The following SLC38A10 variants were observed in gnomAD, a reference collection of about 807,000 sequenced individuals.
SLC38A10 encodes solute carrier family 38 member 10, also known as Sodium-coupled neutral amino acid transporter 10.
A neutral mutation model predicts 81.0 loss-of-function variants in SLC38A10; 53 were observed. The observed-to-expected ratio is 0.65, with a 90% CI of 0.53 to 0.82. SLC38A10 has a LOEUF of 0.82. Ranked by LOEUF, SLC38A10 falls within the 40% of genes least tolerant of loss-of-function variation. SLC38A10 has a pLI of 0.00. For synonymous variants in SLC38A10, 665 were observed against 655.3 expected, an observed-to-expected ratio of 1.01 and a Z score of -0.23; for missense variants, 1,471 against 1,545.0, an observed-to-expected ratio of 0.95 and a Z score of 0.80.
intron 8 of SLC38A10, among the ~76,000 whole-genome samples, chr17:81,275,006 A>G (rs2063148458): frequency 1.3e-5 from 2 of 152,196 alleles, no homozygotes; most frequent in African/African-American, 4.8e-5. Flanking sequence ...TCTTGGTTCA[A>G]GTGATCCTCC....
At chr17:81,274,599 C>T (rs1004099212) in intron 8 of SLC38A10, among the ~76,000 whole-genome samples, 1 of 152,214 alleles carries the variant, frequency 6.6e-6, no homozygotes, top group Non-Finnish European at 1.5e-5. Flanking sequence ...CAAGGGGAGG[C>T]AGGAGGGGAA....
chr17:81,289,808 A>ACT lies in SLC38A10; in HGVS notation c.100-2_100-1dup (p.Cys34SerfsTer17). The ACT allele has an allele frequency of 6.3e-7, 1 of 1,591,350 alleles. No homozygotes were observed. On this transcript the variant is annotated frameshift_variant and splice_region_variant. Coordinates refer to ENST00000374759, the MANE Select transcript of SLC38A10 (RefSeq NM_001037984.3). LOFTEE classifies it high-confidence loss of function. This position sits in a 1 kb window ranked among gnomAD's most constrained non-coding sequence, Gnocchi z 5.9. ...AGCAGCGCCCCCAGGACGATGCCGC[A>ACT]CTGCAGGGTGGAGACAGGAACACAT... is the stretch of plus-strand genomic sequence containing the variant.
chr17:81,260,521 T>G, intron 10 of SLC38A10, 127 bp from the exon 11 acceptor site: 1 of 1,279,582 alleles, frequency 7.8e-7, no homozygotes, highest in Non-Finnish European at 1.1e-6. Context: ...CATGACAAAG[T>G]CCCCCGAGGA....
chr17:81,276,092 G>C lies in SLC38A10; in HGVS notation c.789C>G (p.His263Gln). The C allele has an allele frequency of 1.2e-6, 2 of 1,613,940 alleles. No homozygotes were observed. The highest frequency in any genetic ancestry group is 1.7e-6 in the Non-Finnish European group (2 of 1,179,994). The change falls in exon 8 of 16, where the codon CAC becomes CAG. Residue 263 changes from histidine (H) to glutamine (Q), a missense_variant. His to Gln is a conservative substitution (Grantham distance 24). Coordinates refer to ENST00000374759, the MANE Select transcript of SLC38A10 (RefSeq NM_001037984.3). This position sits in a 1 kb window ranked among gnomAD's most constrained non-coding sequence, Gnocchi z 4.7. ...TEATAGNVLM[H>Q]FPSNLVTEML... Reference sequence around the variant, plus strand: ...TCTCCGTCACCAGGTTGGAGGGAAAGTGCATGAGCACGTTGCCGGCCGTGG... The same window carrying C: ...TCTCCGTCACCAGGTTGGAGGGAAACTGCATGAGCACGTTGCCGGCCGTGG...
chr17:81,260,970 T>G (rs2063018102), intron 10 of SLC38A10, among the ~76,000 whole-genome samples: 1 of 152,228 alleles, frequency 6.6e-6, no homozygotes, highest in Non-Finnish European at 1.5e-5. Context: ...CATGAAGGGC[T>G]TGCCCCAAAG....
In SLC38A10 at chr17:81,283,141, C is replaced by T. The variant is rs2063230479; in HGVS notation, c.357+268G>A. 6.6e-6 allele frequency among the ~76,000 whole-genome samples: 1 copy of T among 152,192 alleles called. No individual in the cohort carries two copies. The highest frequency in any genetic ancestry group is 2.4e-5 in the African/African-American group (1 of 41,448). ...GGCAGCCCGGGCTGGCAGAGACTTG[C>T]TCTGCACTGTGCCCGGGTCTGAGGC... On this transcript the variant is annotated intron_variant, in intron 4 of 15. Transcript: ENST00000374759. This position sits in a 1 kb window ranked among gnomAD's most constrained non-coding sequence, Gnocchi z 4.7.
At chr17:81,275,922 G>A in intron 8 of SLC38A10, 47 bp downstream of exon 8, 1 of 1,569,062 alleles carries the variant, frequency 6.4e-7, no homozygotes, top group Middle Eastern at 1.8e-4. Context: ...TGGGAAGCGA[G>A]CCTGACCTGT....
rs1376276213 is a variant in SLC38A10, at chr17:81,270,186, G to A, written c.1131+732C>T. ...CTTGAGCCTGGCTGGGAGTGACGCT[G>A]CAGGCACTTTGGGTAGAGCCACCAC... On this transcript the variant is annotated intron_variant, in intron 10 of 15. Coordinates refer to ENST00000374759, the MANE Select transcript of SLC38A10 (RefSeq NM_001037984.3). The surrounding 1 kb of genome is among the most constrained non-coding windows in gnomAD (Gnocchi z 4.0). Among the ~76,000 whole-genome samples the A allele has an allele frequency of 1.3e-5, 2 of 152,228 alleles. No homozygotes were observed. The highest frequency in any genetic ancestry group is 3.9e-4 in the East Asian group (2 of 5,192).
intron 1 of SLC38A10, among the ~76,000 whole-genome samples, chr17:81,291,136 G>A (rs1005034405): frequency 5.9e-5 from 9 of 152,120 alleles, no homozygotes; most frequent in Non-Finnish European, 1.2e-4. Context: ...TGAGGGGGGC[G>A]GGGGCGCTGC....
intron 14 of SLC38A10, 94 bp from the exon 15 acceptor site, chr17:81,247,155 G>C: frequency 7.6e-7 from 1 of 1,317,666 alleles, no homozygotes; most frequent in Non-Finnish European, 1.0e-6. Flanking sequence ...CAACGCACAG[G>C]TCACCTGCAG....
intron 10 of SLC38A10, among the ~76,000 whole-genome samples, chr17:81,262,509 T>A (rs772494826): frequency 6.6e-6 from 1 of 152,174 alleles, no homozygotes; most frequent in Non-Finnish European, 1.5e-5. Context: ...GCTAAGTGCA[T>A]CTCACATTTC....
Position 81,246,664 on chromosome 17 carries a change from T to C in SLC38A10, c.2252A>G (p.His751Arg). The C allele has an allele frequency of 6.6e-7, 1 of 1,507,334 alleles. No homozygotes were observed. Among genetic ancestry groups the C allele is most frequent in the South Asian group, 1.4e-5 (1 of 73,526 alleles). 93.4% of individuals were successfully genotyped at this position (1,507,334 alleles called of 1,614,324 possible). Residue 751 changes from histidine to arginine, a missense_variant, in exon 16 of 16, where the codon CAT (histidine) becomes CGT (arginine). Transcript: ENST00000374759. Reference protein sequence around the residue: ...EEDKPRQVEVHQEPGAAVPRG... With the variant: ...EEDKPRQVEVRQEPGAAVPRG... Reference sequence around the variant, plus strand: ...GGGCACCGCTGCCCCGGGCTCTTGATGCACCTCCACTGCAAATGAAGTCGG... The same window carrying C: ...GGGCACCGCTGCCCCGGGCTCTTGACGCACCTCCACTGCAAATGAAGTCGG...
In SLC38A10 at chr17:81,252,648, C is replaced by T. The variant is rs762922349; in HGVS notation, c.1492G>A (p.Glu498Lys). 1.9e-6 allele frequency: 3 copies of T among 1,610,162 alleles called. No individual in the cohort carries two copies. Among genetic ancestry groups the T allele is most frequent in the Admixed American group, 1.7e-5 (1 of 59,872 alleles). ...AVPVGEAHRH[E>K]PPVPHDKVVV... ...ACCTTGTCGTGAGGAACAGGAGGCT[C>T]GTGGCGGTGGGCCTCGCCCACAGGC... The change falls in exon 13 of 16, where the codon GAG becomes AAG. Residue 498 changes from glutamate to lysine, a missense_variant. By Grantham distance (56) the Glu-to-Lys change is moderately conservative. Transcript: ENST00000374759.
intron 11 of SLC38A10, among the ~76,000 whole-genome samples, chr17:81,258,221 C>T (rs2062989967): frequency 6.6e-6 from 1 of 152,230 alleles, no homozygotes; most frequent in African/African-American, 2.4e-5. Context: ...ACCAATAAAA[C>T]TCCGCTCAGC....
rs1178560743 is a variant in SLC38A10 at position 81,270,646 on chromosome 17, TG to T, written c.1131+271del. On this transcript the variant is annotated intron_variant, in intron 10 of 15. Transcript: ENST00000374759. This position sits in a 1 kb window ranked among gnomAD's most constrained non-coding sequence, Gnocchi z 4.0. ...GCAATCAGGCATCGCAGAAACACCA[TG>T]GGGAAAGCGCTTACGACTCAGCTAA... is the stretch of plus-strand genomic sequence containing the variant. Among the ~76,000 whole-genome samples the T allele has an allele frequency of 6.6e-6, 1 of 152,020 alleles. No individual in the cohort carries two copies. The highest frequency in any genetic ancestry group is 1.5e-5 in the Non-Finnish European group (1 of 68,002).
At chr17:81,272,488 C>T (rs750945343) in intron 9 of SLC38A10, 28 bp downstream of exon 9, 16 of 1,527,928 alleles carry the variant, frequency 1.0e-5, no homozygotes, top group African/African-American at 2.8e-5. Flanking sequence ...TCCCACTCCC[C>T]GGCAACAGGG....
intron 1 of SLC38A10, among the ~76,000 whole-genome samples, chr17:81,290,451 C>T (rs1429271182): frequency 2.0e-5 from 3 of 152,196 alleles, no homozygotes; most frequent in Non-Finnish European, 4.4e-5. Context: ...TACTGACACC[C>T]ACCATGACAC....
chr17:81,249,319 A>G (rs143975924), intron 14 of SLC38A10, among the ~76,000 whole-genome samples: 636 of 8,154 alleles, frequency 0.078, 189 homozygotes, highest in African/African-American at 0.18. Context: ...GAAGGAGGGA[A>G]GAGGAGGAAG....
At chr17:81,251,739 C>CTG (rs2062916921) in intron 13 of SLC38A10, 127 bp from the exon 14 acceptor site, 1 of 1,028,892 alleles carries the variant, frequency 9.7e-7, no homozygotes, top group African/African-American at 1.6e-5. Flanking sequence ...ACACCCCCGT[C>CTG]AGCACAGTTT....
Sources: gnomAD v4.1 joint callset for allele counts (sites outside exome capture counted in the v4.1 genomes callset) on GRCh38, gnomAD v4.1.1 for gene constraint, Gnocchi (gnomAD v3.1) non-coding constraint, MANE v1.5 for transcripts, NCBI Gene and HGNC (gene_info 2026-07-23, HGNC 2026-07-21) for gene names.